Variants in SYT1 observed in about 807,000 individuals in gnomAD.
The protein encoded by SYT1 is synaptotagmin-1.
SYT1 carries 8 observed loss-of-function variants against 44.8 expected under a neutral mutation model. That is an observed-to-expected ratio of 0.18 (90% CI 0.10 to 0.32). The LOEUF is 0.32. Among genes scored for constraint, SYT1 ranks in the 10% least tolerant of loss-of-function variants. The pLI is 1.00. For missense variants in SYT1, 286 were observed against 509.3 expected (o/e 0.56, Z 4.22); for synonymous variants, 154 against 188.8 (o/e 0.82, Z 1.51).
intron 4 of SYT1, among the ~76,000 whole-genome samples, chr12:79,255,452 C>T (rs1421373670): frequency 1.3e-5 from 2 of 152,156 alleles, no homozygotes; most frequent in African/African-American, 2.4e-5. Flanking sequence ...ACCAAAAATT[C>T]ATGTGACTCA....
intron 7 of SYT1, among the ~76,000 whole-genome samples, chr12:79,297,613 T>G (rs1565896454): frequency 6.6e-6 from 1 of 152,186 alleles, no homozygotes; most frequent in Non-Finnish European, 1.5e-5. Context: ...TTTTGAATTC[T>G]CTATACATTT....
At chr12:79,059,181 G>A (rs1292088860) in intron 3 of SYT1, among the ~76,000 whole-genome samples, 1 of 151,922 alleles carries the variant, frequency 6.6e-6, no homozygotes. Context: ...TCACTGTCAC[G>A]AGAACAGCAT....
Position 79,180,512 on chromosome 12 carries a change from C to T in SYT1, c.-17-36991C>T, listed in dbSNP as rs578151400. Among the ~76,000 whole-genome samples the T allele has an allele frequency of 7.3e-5, 11 of 151,364 alleles. No homozygotes were observed. In the East Asian group the frequency reaches 2.0e-3, roughly 27 times the overall value. ...TTAAAAAAAGGAGTTTTAATTGGCT[C>T]GGGGTTCTGCAGGCTGTACAGATAG... On this transcript the variant is annotated intron_variant, in intron 3 of 10. Coordinates refer to ENST00000261205, the MANE Select transcript of SYT1 (RefSeq NM_005639.3).
chr12:79,344,271 A>G (rs1325844670), intron 8 of SYT1, among the ~76,000 whole-genome samples: 1 of 152,000 alleles, frequency 6.6e-6, no homozygotes, highest in African/African-American at 2.4e-5. Flanking sequence ...CATGCCTTTT[A>G]TTTTACTGTT....
chr12:78,934,248 G>A (rs61929222), intron 1 of SYT1, among the ~76,000 whole-genome samples: 5 of 151,556 alleles, frequency 3.3e-5, no homozygotes, highest in Admixed American at 6.6e-5. Context: ...TTGAATAACC[G>A]TCATGTGTCA....
At chr12:79,086,663 G>A (rs1338734164) in intron 3 of SYT1, among the ~76,000 whole-genome samples, 5 of 152,144 alleles carry the variant, frequency 3.3e-5, no homozygotes, top group Non-Finnish European at 5.9e-5. Flanking sequence ...TTGGCTTGCC[G>A]TGACTTTGCA....
chr12:79,236,716 G>T (rs1191424231), intron 4 of SYT1, among the ~76,000 whole-genome samples: 4 of 152,164 alleles, frequency 2.6e-5, no homozygotes, highest in African/African-American at 4.8e-5. Context: ...ACAAATGTTT[G>T]TGTCATGGAT....
chr12:78,918,817 G>T (rs1473287905), intron 1 of SYT1, among the ~76,000 whole-genome samples: 1 of 151,992 alleles, frequency 6.6e-6, no homozygotes, highest in African/African-American at 2.4e-5. Context: ...GAAATATCAT[G>T]CATTTATGTA....
chr12:78,998,256 A>T lies in SYT1; in HGVS notation c.-84+20325A>T, dbSNP rs1870507124. On this transcript the variant is annotated intron_variant, in intron 2 of 10. Coordinates refer to ENST00000261205, the MANE Select transcript of SYT1 (RefSeq NM_005639.3). ...AGCATGGAGATATTTTACAGATACCAACCTTTAATTTAGCTGAAGGAACAG... is the reference window on the plus strand; with the variant it reads ...AGCATGGAGATATTTTACAGATACCTACCTTTAATTTAGCTGAAGGAACAG... Among the ~76,000 whole-genome samples the T allele has an allele frequency of 2.6e-5, 4 of 152,320 alleles. No homozygotes were observed. The South Asian group carries it at 8.3e-4, about 32-fold the overall frequency.
chr12:79,267,711 C>G (rs1878207638), intron 4 of SYT1, among the ~76,000 whole-genome samples: 1 of 152,156 alleles, frequency 6.6e-6, no homozygotes, highest in African/African-American at 2.4e-5. Context: ...TTGCCTTCAC[C>G]TCTGCCAACT....
At chr12:79,360,009 C>T (rs1565925017) in intron 9 of SYT1, among the ~76,000 whole-genome samples, 1 of 152,066 alleles carries the variant, frequency 6.6e-6, no homozygotes, top group African/African-American at 2.4e-5. Context: ...TAATTCAAAC[C>T]AAGCTGTGAC....
At chr12:78,897,306 TTTC>T (rs1399125447) in intron 1 of SYT1, among the ~76,000 whole-genome samples, 1 of 151,926 alleles carries the variant, frequency 6.6e-6, no homozygotes, top group Non-Finnish European at 1.5e-5. Context: ...AAAAGCAACT[TTTC>T]TTTCTCTGTG....
intron 9 of SYT1, among the ~76,000 whole-genome samples, chr12:79,398,831 G>T (rs563031830): frequency 2.0e-5 from 3 of 152,136 alleles, no homozygotes; most frequent in African/African-American, 7.2e-5. Flanking sequence ...AGTAGGAGAG[G>T]GTACAGAATC....
At chr12:79,288,654 T>C (rs1288448660) in intron 5 of SYT1, among the ~76,000 whole-genome samples, 2 of 152,196 alleles carry the variant, frequency 1.3e-5, no homozygotes, top group Non-Finnish European at 2.9e-5. Context: ...ATGTGTTCTT[T>C]TGTATGTGTT....
intron 3 of SYT1, among the ~76,000 whole-genome samples, chr12:79,196,149 CTGTTGTTGTTGTTGT>C (rs58474358): frequency 1.7e-5 from 2 of 118,794 alleles, no homozygotes; most frequent in East Asian, 4.3e-4. Context: ...ATTTCTAATT[CTGTTGTTGTTGTTGT>C]TGTTGTTGTT....
In SYT1 at chr12:79,188,730, A is replaced by G. The variant is rs185866980; in HGVS notation, c.-17-28773A>G. 3.6e-3 allele frequency among the ~76,000 whole-genome samples: 550 copies of G among 152,254 alleles called. 2 individuals are homozygous for G. In the Middle Eastern group the frequency reaches 0.037, roughly 10 times the overall value. ...AATATTTTGTAGCATCACTCCAAAAAATAATTTGCTTTTTTCCCCCCACAA... is the reference window on the plus strand; with the variant it reads ...AATATTTTGTAGCATCACTCCAAAAGATAATTTGCTTTTTTCCCCCCACAA... On this transcript the variant is annotated intron_variant, in intron 3 of 10. Coordinates refer to ENST00000261205, the MANE Select transcript of SYT1 (RefSeq NM_005639.3).
At chr12:79,061,488 A>G (rs1328009574) in intron 3 of SYT1, among the ~76,000 whole-genome samples, 1 of 152,140 alleles carries the variant, frequency 6.6e-6, no homozygotes, top group Non-Finnish European at 1.5e-5. Flanking sequence ...ACTTCTAGAT[A>G]CAAGGCTGCT....
chr12:79,284,411 T>A (rs1319074547), intron 4 of SYT1, among the ~76,000 whole-genome samples: 1 of 152,184 alleles, frequency 6.6e-6, no homozygotes, highest in Non-Finnish European at 1.5e-5. Context: ...TCTCATTGCC[T>A]TTGCATTTTC....
chr12:78,882,314 G>A (rs1874502843), intron 1 of SYT1, among the ~76,000 whole-genome samples: 1 of 151,710 alleles, frequency 6.6e-6, no homozygotes. Context: ...GTATATTTGA[G>A]GGAGGATGAG....
Sources: allele counts gnomAD v4.1 joint callset (sites outside exome capture counted in the v4.1 genomes callset), GRCh38; gene constraint gnomAD v4.1.1; transcripts MANE v1.5; gene names NCBI Gene and HGNC (gene_info 2026-07-23, HGNC 2026-07-21).